Variants in GAD1 observed in about 807,000 individuals in gnomAD.
GAD1 encodes the protein 67 kDa glutamic acid decarboxylase.
Under a neutral mutation model 75.2 loss-of-function variants are expected in GAD1, and 35 were observed. The observed-to-expected ratio is 0.47, with a 90% CI of 0.36 to 0.62. The LOEUF is 0.62. GAD1 is among the 20% of genes least tolerant of loss of function. The probability of loss-of-function intolerance (pLI) is 0.00; values close to 1 mark genes in which losing one functional copy is unlikely to be tolerated. For synonymous variants in GAD1, 257 were observed against 271.9 expected (o/e 0.95, Z 0.54); for missense variants, 490 against 758.5 (o/e 0.65, Z 4.16).
chr2:170,852,920 ACTG>A (rs1702776670), intron 13 of GAD1, 128 bp downstream of exon 13: 5 of 767,524 alleles, frequency 6.5e-6, no homozygotes, highest in Non-Finnish European at 1.2e-5. Context: ...CTGAGAGACT[ACTG>A]CTGCTGTCCT....
upstream of GAD1, among the ~76,000 whole-genome samples, chr2:170,815,784 G>A (rs1701684285): frequency 6.6e-6 from 1 of 152,244 alleles, no homozygotes; most frequent in Non-Finnish European, 1.5e-5. Context: ...GGTGAGGGAA[G>A]GCATGAAGAG....
chr2:170,815,802 G>A (rs146696259), upstream of GAD1, among the ~76,000 whole-genome samples: 1 of 152,336 alleles, frequency 6.6e-6, no homozygotes, highest in East Asian at 1.9e-4. Context: ...GAGGCAAGCC[G>A]GCGCGTAACC....
intron 12 of GAD1, 49 bp downstream of exon 12, chr2:170,849,399 G>A: frequency 1.3e-6 from 2 of 1,543,454 alleles, no homozygotes; most frequent in African/African-American, 2.7e-5. Context: ...ACATCAAACA[G>A]ACCATGCTCT....
intron 2 of GAD1, 39 bp from the exon 3 acceptor site, chr2:170,822,048 C>G (rs199710477): frequency 6.4e-7 from 1 of 1,566,236 alleles, no homozygotes; most frequent in Non-Finnish European, 8.7e-7. Context: ...GCGGTCGGAA[C>G]CTCCCTAACC....
At chr2:170,822,930 A>G (rs1236206891) in intron 3 of GAD1, among the ~76,000 whole-genome samples, 1 of 152,222 alleles carries the variant, frequency 6.6e-6, no homozygotes, top group Admixed American at 6.5e-5. Context: ...TGGAGAGGAG[A>G]AAGAACTGCT....
chr2:170,824,202 C>A (rs1701968332), intron 3 of GAD1, among the ~76,000 whole-genome samples: 1 of 152,206 alleles, frequency 6.6e-6, no homozygotes, highest in African/African-American at 2.4e-5. Context: ...GGCTAAAATG[C>A]CCCGCTTTTG....
chr2:170,830,590 C>G (rs931107584), intron 4 of GAD1, among the ~76,000 whole-genome samples: 14 of 152,232 alleles, frequency 9.2e-5, no homozygotes, highest in Non-Finnish European at 1.6e-4. Flanking sequence ...ACCAGATAGA[C>G]AGGGACACAC....
chr2:170,843,822 C>T, intron 6 of GAD1: 1 of 547,354 alleles, frequency 1.8e-6, no homozygotes, highest in African/African-American at 1.9e-5. Context: ...GGTGAAGTAT[C>T]ACAGGGCTGG....
At chr2:170,845,672 C>A (rs750908978) in intron 8 of GAD1, 34 bp from the exon 9 acceptor site, 2 of 1,613,416 alleles carry the variant, frequency 1.2e-6, no homozygotes, top group East Asian at 2.2e-5. Flanking sequence ...AGGGGACTTT[C>A]CAACTTCTAA....
chr2:170,836,664 G>A (rs2105787361), intron 5 of GAD1, 129 bp from the exon 6 acceptor site: 1 of 725,798 alleles, frequency 1.4e-6, no homozygotes, highest in Non-Finnish European at 2.5e-6. Flanking sequence ...CAATATCCTT[G>A]AGCAGCCTTA....
intron 3 of GAD1, among the ~76,000 whole-genome samples, chr2:170,824,417 A>ACACACC (rs1296051454): frequency 3.0e-4 from 34 of 112,208 alleles, no homozygotes; most frequent in South Asian, 8.4e-4. Context: ...ACACACACAC[A>ACACACC]CACCCCTCCC....
At chr2:170,835,198 C>T (rs768604109) in intron 5 of GAD1, among the ~76,000 whole-genome samples, 7 of 152,136 alleles carry the variant, frequency 4.6e-5, no homozygotes, top group South Asian at 2.1e-4. Context: ...GTATCATGAA[C>T]GTCATAAATG....
intron 5 of GAD1, among the ~76,000 whole-genome samples, chr2:170,835,986 C>T (rs1702361367): frequency 6.6e-6 from 1 of 152,062 alleles, no homozygotes; most frequent in South Asian, 2.1e-4. Flanking sequence ...CTGGTATCTT[C>T]TGATATGAGA....
At chr2:170,836,922 A>T in intron 6 of GAD1, 39 bp downstream of exon 6, 21 of 1,385,604 alleles carry the variant, frequency 1.5e-5, no homozygotes, top group East Asian at 2.3e-5. Flanking sequence ...ACCCTGATGT[A>T]TGACTATGGC....
At chr2:170,842,691 A>G in intron 6 of GAD1, 1 of 1,612,044 alleles carries the variant, frequency 6.2e-7, no homozygotes, top group Non-Finnish European at 8.5e-7. Flanking sequence ...TCTTCCTCCT[A>G]AATTTCCAGG....
intron 6 of GAD1, chr2:170,842,728 C>G: frequency 2.5e-6 from 4 of 1,586,324 alleles, no homozygotes; most frequent in Non-Finnish European, 3.4e-6. Context: ...TGGACATATT[C>G]TTTTTGGAAA....
rs765841229 is a variant in GAD1 at position 170,849,326 on chromosome 2, G to A, written c.1160G>A (p.Arg387His). ...GGGCTGCTCATGTCCAGGAAGCACC[G>A]CCATAAACTCAACGGCATAGAAAGG... ...GGGLLMSRKHRHKLNGIERAN... is the reference protein window; with the variant it reads ...GGGLLMSRKHHHKLNGIERAN... The change falls in exon 12 of 17, where the codon CGC becomes CAC. Residue 387 changes from arginine to histidine, a missense_variant. Arg to His is a conservative substitution (Grantham distance 29). Around this residue, in one of 3 missense-constraint regions of GAD1, gnomAD observed 324 missense variants for 523.9 expected, o/e 0.62. Transcript: ENST00000358196. 7 of 1,614,018 alleles carry A rather than the reference G, an allele frequency of 4.3e-6. No individual in the cohort carries two copies. The highest frequency in any genetic ancestry group is 5.9e-6 in the Non-Finnish European group (7 of 1,180,004).
At chr2:170,831,667 TATAA>T (rs1236639320) in intron 5 of GAD1, among the ~76,000 whole-genome samples, 4 of 143,210 alleles carry the variant, frequency 2.8e-5, no homozygotes, top group African/African-American at 1.0e-4. Context: ...AATATTTATA[TATAA>T]ATATTTAATA....
chr2:170,854,149 T>A, intron 14 of GAD1, 127 bp downstream of exon 14: 1 of 961,772 alleles, frequency 1.0e-6, no homozygotes, highest in Non-Finnish European at 1.6e-6. Context: ...ATAATTGAAT[T>A]AACTGTGTTT....
Sources: gnomAD v4.1 joint callset for allele counts (sites outside exome capture counted in the v4.1 genomes callset) on GRCh38, gnomAD v4.1.1 for gene constraint, gnomAD v4.1.1 regional missense constraint, MANE v1.5 for transcripts, NCBI Gene and HGNC (gene_info 2026-07-23, HGNC 2026-07-21) for gene names.